TSGA10: variants seen among roughly 807,000 people sequenced by gnomAD.
TSGA10 encodes testis specific 10.
TSGA10 carries 43 observed loss-of-function variants against 96.6 expected under a neutral mutation model. The ratio of observed to expected loss-of-function variants is 0.44; its 90% CI spans 0.35 to 0.57. The LOEUF (loss-of-function observed/expected upper bound fraction) is 0.57, where lower values mean the gene tolerates loss of function less well. Among genes scored for constraint, TSGA10 ranks in the 20% least tolerant of loss-of-function variants. TSGA10 has a pLI of 0.01. For synonymous variants in TSGA10, 229 were observed against 269.9 expected, an observed-to-expected ratio of 0.85 and a Z score of 1.48; for missense variants, 703 against 834.4, an observed-to-expected ratio of 0.84 and a Z score of 1.94.
intron 12 of TSGA10, among the ~76,000 whole-genome samples, chr2:99,075,966 C>T (rs998093456): frequency 4.6e-5 from 7 of 152,240 alleles, no homozygotes; most frequent in Non-Finnish European, 4.4e-5. Flanking sequence ...AACAATGAGT[C>T]AGCCTTTTCC....
chr2:99,144,310 C>T (rs1303122257), intron 1 of TSGA10, among the ~76,000 whole-genome samples: 6 of 152,058 alleles, frequency 3.9e-5, no homozygotes, highest in Non-Finnish European at 8.8e-5. Flanking sequence ...CATGAGCCAC[C>T]GCGCCCGGCC....
At chr2:99,024,847 C>A (rs896370605) in intron 17 of TSGA10, among the ~76,000 whole-genome samples, 2 of 152,114 alleles carry the variant, frequency 1.3e-5, no homozygotes, top group African/African-American at 4.8e-5. Flanking sequence ...TTTTATCAGG[C>A]AAGAATGTTG....
At chr2:99,085,372 A>C (rs1430379678) in intron 10 of TSGA10, among the ~76,000 whole-genome samples, 1 of 152,078 alleles carries the variant, frequency 6.6e-6, no homozygotes, top group Non-Finnish European at 1.5e-5. Flanking sequence ...TGGGAGGCCA[A>C]TGTGGGAGGA....
chr2:99,072,964 A>G (rs1200104947), intron 13 of TSGA10, 54 bp downstream of exon 13: 2 of 1,236,638 alleles, frequency 1.6e-6, no homozygotes, highest in East Asian at 2.3e-5. Flanking sequence ...TGTACCTAAC[A>G]TGGTACTTGG....
chr2:99,132,453 T>A (rs1383934882), intron 1 of TSGA10, among the ~76,000 whole-genome samples: 1 of 152,190 alleles, frequency 6.6e-6, no homozygotes, highest in African/African-American at 2.4e-5. Flanking sequence ...AGTTTGTATT[T>A]CTGTGGGATC....
chr2:99,054,113 C>T (rs562096893), intron 16 of TSGA10, among the ~76,000 whole-genome samples: 1 of 152,208 alleles, frequency 6.6e-6, no homozygotes, highest in Middle Eastern at 3.4e-3. Context: ...ATCACACTAC[C>T]TGATTTCAAA....
intron 10 of TSGA10, among the ~76,000 whole-genome samples, chr2:99,085,632 A>AAAAAAAAAAAAC (rs2088210613): frequency 6.7e-6 from 1 of 150,162 alleles, no homozygotes; most frequent in Non-Finnish European, 1.5e-5. Flanking sequence ...AAAAAAAAAA[A>AAAAAAAAAAAAC]AAGTTGTTTT....
chr2:99,065,722 T>C (rs912710499), intron 15 of TSGA10, among the ~76,000 whole-genome samples: 7 of 152,208 alleles, frequency 4.6e-5, no homozygotes, highest in African/African-American at 7.2e-5. Context: ...CTAGTAACTT[T>C]CCTGAAATTG....
At chr2:99,129,452 T>G (rs1444582697) in intron 1 of TSGA10, among the ~76,000 whole-genome samples, 1 of 152,190 alleles carries the variant, frequency 6.6e-6, no homozygotes, top group Non-Finnish European at 1.5e-5. Flanking sequence ...GTGGGGCTTT[T>G]GCAAAATTAC....
chr2:99,150,731 C>T (rs2093685188), intron 1 of TSGA10: 2 of 1,613,856 alleles, frequency 1.2e-6, no homozygotes, highest in African/African-American at 2.7e-5. Flanking sequence ...GAAAACTTTA[C>T]AAGGATTGAA....
intron 10 of TSGA10, among the ~76,000 whole-genome samples, chr2:99,085,416 G>A (rs537717135): frequency 6.6e-6 from 1 of 151,700 alleles, no homozygotes; most frequent in South Asian, 2.1e-4. Flanking sequence ...ACCAGCCTGG[G>A]CAACATAGGA....
intron 17 of TSGA10, among the ~76,000 whole-genome samples, chr2:99,026,311 C>A (rs1253213287): frequency 6.6e-6 from 1 of 152,150 alleles, no homozygotes; most frequent in Non-Finnish European, 1.5e-5. Context: ...CTATATATGT[C>A]ACAAGCCCAA....
chr2:99,064,849 T>C (rs555390856), intron 16 of TSGA10, 90 bp downstream of exon 16: 1 of 1,099,536 alleles, frequency 9.1e-7, no homozygotes, highest in East Asian at 2.5e-5. Context: ...AATTTACGTG[T>C]TTGTTCATAC....
intron 17 of TSGA10, among the ~76,000 whole-genome samples, chr2:99,034,853 C>A (rs2081481845): frequency 6.6e-6 from 1 of 152,096 alleles, no homozygotes; most frequent in Non-Finnish European, 1.5e-5. Context: ...AAAGTAGATA[C>A]AATCAACTGA....
chr2:99,109,138 T>G (rs144411188), intron 6 of TSGA10, 147 bp from the exon 7 acceptor site: 9,098 of 759,848 alleles, frequency 0.012, 83 homozygotes, highest in Middle Eastern at 0.018. Context: ...AAACCACATC[T>G]TTTTAAAACA....
At chr2:99,073,765 C>G (rs974491383) in intron 12 of TSGA10, among the ~76,000 whole-genome samples, 6 of 151,962 alleles carry the variant, frequency 3.9e-5, no homozygotes, top group African/African-American at 1.5e-4. Flanking sequence ...TATCTTAATG[C>G]CTTTAATACC....
At chr2:99,076,401 A>G (rs769870255) in intron 12 of TSGA10, among the ~76,000 whole-genome samples, 19 of 152,094 alleles carry the variant, frequency 1.2e-4, no homozygotes, top group Non-Finnish European at 1.5e-4. Context: ...GTTATAAAAT[A>G]AAGACCTAAT....
At chr2:99,048,975 A>C (rs1399302675) in intron 16 of TSGA10, among the ~76,000 whole-genome samples, 1 of 152,194 alleles carries the variant, frequency 6.6e-6, no homozygotes, top group African/African-American at 2.4e-5. Context: ...ACAAACATGA[A>C]AAAAAGCTCA....
intron 1 of TSGA10, among the ~76,000 whole-genome samples, chr2:99,136,024 GT>G (rs2093315793): frequency 1.1e-4 from 7 of 66,564 alleles, no homozygotes; most frequent in South Asian, 5.3e-4. Flanking sequence ...AAAAAAAAGG[GT>G]CTGCATCATA....
Sources: gnomAD v4.1 joint callset for allele counts (sites outside exome capture counted in the v4.1 genomes callset) on GRCh38, gnomAD v4.1.1 for gene constraint, MANE v1.5 for transcripts, NCBI Gene and HGNC (gene_info 2026-07-23, HGNC 2026-07-21) for gene names.